The following MCU variants were observed in gnomAD, a reference collection of about 807,000 sequenced individuals.
MCU encodes mitochondrial calcium uniporter.
MCU carries 12 observed loss-of-function variants against 45.2 expected under a neutral mutation model. The observed-to-expected ratio is 0.27, with a 90% CI of 0.17 to 0.43. The LOEUF is 0.43. MCU is among the 20% of genes least tolerant of loss of function. The pLI is 1.00. For missense variants in MCU, 324 were observed against 436.7 expected (o/e 0.74, Z 2.30); for synonymous variants, 160 against 165.1 (o/e 0.97, Z 0.24).
At chr10:72,698,597 C>T (rs746660385) in intron 1 of MCU, among the ~76,000 whole-genome samples, 1 of 152,108 alleles carries the variant, frequency 6.6e-6, no homozygotes, top group African/African-American at 2.4e-5. Context: ...CTCCGCCTCT[C>T]GGGTTCAAGC....
chr10:72,850,324 C>T (rs556985160), intron 2 of MCU, among the ~76,000 whole-genome samples: 1 of 152,194 alleles, frequency 6.6e-6, no homozygotes, highest in Non-Finnish European at 1.5e-5. Context: ...GGGAGGAAAT[C>T]GACAATGTTA....
At chr10:72,835,258 A>T (rs913610968) in intron 2 of MCU, among the ~76,000 whole-genome samples, 2 of 152,204 alleles carry the variant, frequency 1.3e-5, no homozygotes, top group Non-Finnish European at 2.9e-5. Context: ...ACAGGATCCA[A>T]ACCTTTGTTG....
chr10:72,805,324 C>A (rs538036077), intron 1 of MCU, among the ~76,000 whole-genome samples: 1 of 151,108 alleles, frequency 6.6e-6, no homozygotes, highest in Admixed American at 6.6e-5. Context: ...TCTTGGCTTA[C>A]TGCAACCTCT....
chr10:72,819,651 T>C (rs1474834983), intron 1 of MCU, among the ~76,000 whole-genome samples: 1 of 151,758 alleles, frequency 6.6e-6, no homozygotes, highest in African/African-American at 2.4e-5. Context: ...CAAATCTATG[T>C]AGAAGTGAAA....
chr10:72,867,713 G>A (rs1159103692), intron 4 of MCU, among the ~76,000 whole-genome samples: 1 of 151,954 alleles, frequency 6.6e-6, no homozygotes, highest in Non-Finnish European at 1.5e-5. Flanking sequence ...AAATTAGCCG[G>A]GCATGGTGGT....
chr10:72,793,234 G>A (rs894692821), intron 1 of MCU, among the ~76,000 whole-genome samples: 6 of 152,246 alleles, frequency 3.9e-5, no homozygotes, highest in Middle Eastern at 6.8e-3. Flanking sequence ...CTAGAAATCA[G>A]CATTGTCACC....
chr10:72,721,345 T>C lies in MCU; in HGVS notation c.150+29044T>C, dbSNP rs982819234. 6.2e-4 allele frequency among the ~76,000 whole-genome samples: 94 copies of C among 152,180 alleles called. 2 individuals are homozygous for C. Among genetic ancestry groups the C allele is most frequent in the Non-Finnish European group, 1.2e-4 (8 of 68,036 alleles). ...GTTCTGATTTGTAGCATTTGCCTGT[T>C]TTACTGGTATAATTACTCCCACTCT... On this transcript the variant is annotated intron_variant, in intron 1 of 7. Coordinates refer to ENST00000373053, the MANE Select transcript of MCU (RefSeq NM_138357.3).
chr10:72,855,316 T>C (rs1845271278), intron 2 of MCU, among the ~76,000 whole-genome samples: 1 of 151,964 alleles, frequency 6.6e-6, no homozygotes, highest in Non-Finnish European at 1.5e-5. Flanking sequence ...TGTGGCTCAA[T>C]ACTGTAATTC....
At chr10:72,876,486 C>G (rs1845617894) in intron 6 of MCU, among the ~76,000 whole-genome samples, 3 of 152,160 alleles carry the variant, frequency 2.0e-5, no homozygotes. Context: ...CTATCTATAT[C>G]TAGGCTATTA....
chr10:72,727,062 GT>G (rs748365249), intron 1 of MCU, among the ~76,000 whole-genome samples: 1 of 152,148 alleles, frequency 6.6e-6, no homozygotes, highest in Non-Finnish European at 1.5e-5. Flanking sequence ...AATAAAGGCC[GT>G]TTTGGCAATA....
chr10:72,701,966 G>T (rs1187415191), intron 1 of MCU, among the ~76,000 whole-genome samples: 2 of 152,056 alleles, frequency 1.3e-5, no homozygotes, highest in Non-Finnish European at 2.9e-5. Flanking sequence ...CCAGCCGGGC[G>T]CTGTGGCTCA....
intron 1 of MCU, among the ~76,000 whole-genome samples, chr10:72,763,827 A>G (rs1448581441): frequency 6.6e-6 from 1 of 152,212 alleles, no homozygotes; most frequent in Admixed American, 6.5e-5. Flanking sequence ...TTTTTGGCTT[A>G]GGTGACTGAG....
At chr10:72,835,959 T>G (rs1771747499) in intron 2 of MCU, among the ~76,000 whole-genome samples, 1 of 152,138 alleles carries the variant, frequency 6.6e-6, no homozygotes. Flanking sequence ...CTTTCCCTCC[T>G]TAAGCTCCTT....
At position 72,810,461 on chromosome 10, in the gene MCU, CTTTT is replaced by C. The variant is rs751918414; in HGVS notation, c.151-23876_151-23873del. Reference sequence around the variant, plus strand: ...ACATCAGTTAAGACAATTATGTTGCCTTTTTTTTTTTTTTTTTTTTTTTTTGACG... The same window carrying C: ...ACATCAGTTAAGACAATTATGTTGCCTTTTTTTTTTTTTTTTTTTTTGACG... On this transcript the variant is annotated intron_variant, in intron 1 of 7. Transcript: ENST00000373053. Among the ~76,000 whole-genome samples, 20 of 73,436 alleles carry C rather than the reference CTTTT, an allele frequency of 2.7e-4. No individual in the cohort carries two copies. In the South Asian group the frequency reaches 6.6e-3, roughly 24 times the overall value. 48.2% of individuals were successfully genotyped at this position (73,436 alleles called of 152,430 possible).
At position 72,826,657 on chromosome 10, in the gene MCU, A is replaced by C. The variant is rs74867444; in HGVS notation, c.151-7702A>C. On this transcript the variant is annotated intron_variant, in intron 1 of 7. Coordinates refer to ENST00000373053, the MANE Select transcript of MCU (RefSeq NM_138357.3). ...ATTTTTACTCTCAATAAAATTCTTT[A>C]AGCCAACTACATTTATTCATTTAAC... 3.1e-4 allele frequency among the ~76,000 whole-genome samples: 47 copies of C among 152,350 alleles called. No individual in the cohort carries two copies. The East Asian group carries it at 9.1e-3, about 29-fold the overall frequency.
At chr10:72,875,577 C>T (rs1393618060) in intron 6 of MCU, among the ~76,000 whole-genome samples, 1 of 152,214 alleles carries the variant, frequency 6.6e-6, no homozygotes, top group Non-Finnish European at 1.5e-5. Context: ...ACATACCCAT[C>T]TTATTACCTC....
At chr10:72,868,673 A>G (rs377054382) in intron 4 of MCU, 30 bp from the exon 5 acceptor site, 5 of 1,608,976 alleles carry the variant, frequency 3.1e-6, no homozygotes, top group Middle Eastern at 1.7e-4. Context: ...TAAGGCATAC[A>G]TTTTTTAAAA....
Position 72,868,851 on chromosome 10 carries a change from T to C in MCU, c.645T>C (p.Ala215=). 1 of 1,613,392 alleles carries C rather than the reference T, an allele frequency of 6.2e-7. No individual in the cohort carries two copies. Among genetic ancestry groups the C allele is most frequent in the East Asian group, 2.2e-5 (1 of 44,866 alleles). The change falls in exon 5 of 8, where the codon GCT becomes GCC. Residue 215 remains alanine (A), a synonymous_variant. Coordinates refer to ENST00000373053, the MANE Select transcript of MCU (RefSeq NM_138357.3). ...ERLEDLKEQL[A]PLEKVRIEIS... is the part of the protein sequence containing the mutation. ...TAGAGGATCTCAAAGAGCAGCTGGC[T>C]CCCCTGGAAAAGGTAAAACTTCCAA...
intron 1 of MCU, among the ~76,000 whole-genome samples, chr10:72,796,129 C>T (rs1844241856): frequency 6.6e-6 from 1 of 152,118 alleles, no homozygotes; most frequent in Non-Finnish European, 1.5e-5. Context: ...AGTACTTTAA[C>T]ATTTCTCAAA....
Sources: allele counts gnomAD v4.1 joint callset (sites outside exome capture counted in the v4.1 genomes callset), GRCh38; gene constraint gnomAD v4.1.1; transcripts MANE v1.5; gene names NCBI Gene and HGNC (gene_info 2026-07-23, HGNC 2026-07-21).